The following ECHS1 variants were observed in gnomAD, a reference collection of about 807,000 sequenced individuals.
ECHS1 encodes the protein enoyl-CoA hydratase, short chain 1.
Under a neutral mutation model 33.5 loss-of-function variants are expected in ECHS1, and 19 were observed. That is an observed-to-expected ratio of 0.57 (90% confidence interval 0.40 to 0.83). ECHS1 has a LOEUF of 0.83. ECHS1 is among the 40% of genes least tolerant of loss of function. The pLI, the probability that ECHS1 is intolerant of heterozygous loss-of-function variation, is 0.00. For missense variants in ECHS1, 365 were observed against 381.3 expected (o/e 0.96, Z 0.36); for synonymous variants, 158 against 146.6 (o/e 1.08, Z -0.56).
chr10:133,371,794 G>A (rs1849112397), intron 1 of ECHS1: 1 of 154,368 alleles, frequency 6.5e-6, no homozygotes, highest in South Asian at 2.0e-4. Context: ...TAGTCCCTGT[G>A]CTATGGGTTT....
chr10:133,373,199 C>A, intron 1 of ECHS1, 47 bp downstream of exon 1: 1 of 1,374,430 alleles, frequency 7.3e-7, no homozygotes, highest in South Asian at 1.6e-5. Flanking sequence ...GCGTGCAGGT[C>A]GGAGTCAGGA....
rs2133439728 is a variant in ECHS1 at position 133,366,024 on chromosome 10, T to C, written c.691A>G (p.Ser231Gly). The change falls in exon 6 of 8, where the codon AGC becomes GGC. Residue 231 changes from serine to glycine, a missense_variant. Ser to Gly is a moderately conservative substitution (Grantham distance 56). Transcript: ENST00000368547. ...EAIQCAEKIA[S>G]NSKIVVAMAK... ...ATCGCTACTACAATTTTAGAATTGCTGGCAATTTTTTCTGCACACTGGATG... is the reference window on the plus strand; with the variant it reads ...ATCGCTACTACAATTTTAGAATTGCCGGCAATTTTTTCTGCACACTGGATG... The C allele has an allele frequency of 1.9e-6, 3 of 1,614,044 alleles. No individual in the cohort carries two copies. Among genetic ancestry groups the C allele is most frequent in the Admixed American group, 3.3e-5 (2 of 60,036 alleles).
chr10:133,363,563 C>A (rs774123399), intron 7 of ECHS1, among the ~76,000 whole-genome samples: 53 of 152,228 alleles, frequency 3.5e-4, no homozygotes, highest in Non-Finnish European at 1.9e-4. Flanking sequence ...GCAGGCAGAT[C>A]ACTTGAGGTC....
rs1221469992 is a variant in ECHS1 at position 133,364,693 on chromosome 10, A to C, written c.772T>G (p.Leu258Val). ...FEMTLTEGSK[L>V]EKKLFYSTFA... ...GTTGAATAAAAGAGTTTCTTCTCCA[A>C]CTTACTTCCTTCTGTTAATGTCATT... is the stretch of plus-strand genomic sequence containing the variant. The change falls in exon 7 of 8, where the codon TTG becomes GTG. Residue 258 changes from leucine (L) to valine (V), a missense_variant. Physicochemically the swap from Leu to Val is conservative, Grantham distance 32 (BLOSUM62 1). Transcript: ENST00000368547. 1.2e-6 allele frequency: 2 copies of C among 1,613,794 alleles called. No homozygotes were observed. Among genetic ancestry groups the C allele is most frequent in the Non-Finnish European group, 1.7e-6 (2 of 1,179,888 alleles).
At chr10:133,366,327 G>T (rs34219763) in intron 5 of ECHS1, among the ~76,000 whole-genome samples, 2 of 152,210 alleles carry the variant, frequency 1.3e-5, no homozygotes, top group African/African-American at 2.4e-5. Context: ...CCACAGCTCC[G>T]ACGGCAGAGG....
At chr10:133,369,634 T>C (rs896710445) in intron 3 of ECHS1, among the ~76,000 whole-genome samples, 2 of 152,164 alleles carry the variant, frequency 1.3e-5, no homozygotes, top group South Asian at 2.1e-4. Flanking sequence ...AGCTAGTTTA[T>C]AGATGTAGCC....
intron 1 of ECHS1, among the ~76,000 whole-genome samples, chr10:133,371,294 A>G (rs1849106087): frequency 1.3e-5 from 2 of 152,020 alleles, no homozygotes; most frequent in South Asian, 2.1e-4. Context: ...AAGAAAAGAA[A>G]AAAAGAAAAA....
rs2230261 is a variant in ECHS1 at position 133,366,926 on chromosome 10, A to G, written c.582T>C (p.Thr194=). ...CGTCCTGGGCTGAGATCCGGTCACC[A>G]GTGAGGACCATCTCCATCGCCAGCG... is the stretch of plus-strand genomic sequence containing the variant. ...GKSLAMEMVL[T]GDRISAQDAK... The change falls in exon 5 of 8, where the codon ACT becomes ACC. Residue 194 remains threonine, a synonymous_variant. Coordinates refer to ENST00000368547, the MANE Select transcript of ECHS1 (RefSeq NM_004092.4). 1,597,389 of 1,612,438 alleles carry G rather than the reference A, an allele frequency of 0.99. 792,275 individuals are homozygous for G. The highest frequency in any genetic ancestry group is 1 in the East Asian group (44,882 of 44,882).
chr10:133,365,484 T>C (rs908939034), intron 6 of ECHS1, among the ~76,000 whole-genome samples: 27 of 152,332 alleles, frequency 1.8e-4, no homozygotes, highest in Admixed American at 5.9e-4. Context: ...AACTTGAGCA[T>C]TTCTGAGGAG....
At chr10:133,373,101 G>A in intron 1 of ECHS1, 145 bp downstream of exon 1, 1 of 573,216 alleles carries the variant, frequency 1.7e-6, no homozygotes, top group East Asian at 3.6e-5. Context: ...TGAGGGTGCG[G>A]GGTCAGGCGG....
At position 133,362,766 on chromosome 10, in the gene ECHS1, A is replaced by T; in HGVS notation, c.*102T>A. ...AGCAATTGGAGAGGAACTGCACACC[A>T]CGGACACTGCTCTTGAAAAGAGGAT... On this transcript the variant is annotated 3_prime_UTR_variant, in exon 8 of 8. Coordinates refer to ENST00000368547, the MANE Select transcript of ECHS1 (RefSeq NM_004092.4). 7.4e-7 allele frequency: 1 copy of T among 1,354,670 alleles called. No homozygotes were observed. 83.9% of individuals were successfully genotyped at this position (1,354,670 alleles called of 1,614,324 possible).
At chr10:133,367,653 C>T (rs1328134194) in intron 4 of ECHS1, among the ~76,000 whole-genome samples, 1 of 151,818 alleles carries the variant, frequency 6.6e-6, no homozygotes, top group East Asian at 1.9e-4. Context: ...CCAGGCCTGC[C>T]CGCAGTCATC....
At chr10:133,365,840 A>T in intron 6 of ECHS1, 136 bp downstream of exon 6, 1 of 1,086,000 alleles carries the variant, frequency 9.2e-7, no homozygotes, top group Non-Finnish European at 1.3e-6. Context: ...TACAGACAGC[A>T]GAACTGAGAC....
intron 4 of ECHS1, among the ~76,000 whole-genome samples, chr10:133,368,523 C>T (rs1445272419): frequency 6.6e-6 from 1 of 152,092 alleles, no homozygotes; most frequent in African/African-American, 2.4e-5. Flanking sequence ...GGTGGGGGGT[C>T]TGACTCCCCA....
chr10:133,362,815 C>A lies in ECHS1; in HGVS notation c.*53G>T. The A allele has an allele frequency of 5.1e-6, 8 of 1,575,346 alleles. No individual in the cohort carries two copies. Among genetic ancestry groups the A allele is most frequent in the Non-Finnish European group, 7.0e-6 (8 of 1,144,808 alleles). ...ATGATTTACTTGCTTCTAAAACTGA[C>A]AGGCTGCACTTGTCCTCTCCAAGCA... On this transcript the variant is annotated 3_prime_UTR_variant, in exon 8 of 8. Coordinates refer to ENST00000368547, the MANE Select transcript of ECHS1 (RefSeq NM_004092.4).
chr10:133,363,349 G>A (rs7076650), intron 7 of ECHS1, among the ~76,000 whole-genome samples: 66,240 of 145,376 alleles, frequency 0.46, 16,053 homozygotes, highest in Middle Eastern at 0.63. Context: ...CCAGGTGTGC[G>A]CGCGCGCACA....
At position 133,363,380 on chromosome 10, in the gene ECHS1, C is replaced by CATCTGT. The variant is rs1554885612; in HGVS notation, c.808-448_808-447insACAGAT. 1.4e-3 allele frequency among the ~76,000 whole-genome samples: 214 copies of CATCTGT among 151,300 alleles called. 1 individual carries two copies. Among genetic ancestry groups the CATCTGT allele is most frequent in the African/African-American group, 3.5e-3 (145 of 41,240 alleles). On this transcript the variant is annotated intron_variant, in intron 7 of 7. Transcript: ENST00000368547. ...GCACACACACACACACACACACACACACACGCATCTGTACCCCTTCCTCAG... is the reference window on the plus strand; with the variant it reads ...GCACACACACACACACACACACACACATCTGTACACGCATCTGTACCCCTTCCTCAG...
chr10:133,373,115 A>T (rs1480651676), intron 1 of ECHS1, 131 bp downstream of exon 1: 4 of 389,418 alleles, frequency 1.0e-5, no homozygotes, highest in Non-Finnish European at 1.0e-5. Context: ...CAGGCGGAAG[A>T]GGGGTGTGGG....
At chr10:133,372,154 C>A (rs536929638) in intron 1 of ECHS1, among the ~76,000 whole-genome samples, 59 of 152,266 alleles carry the variant, frequency 3.9e-4, no homozygotes, top group African/African-American at 1.4e-3. Context: ...CAGCAGTGCC[C>A]GCCATGCAAG....
Sources: gnomAD v4.1 joint callset for allele counts (sites outside exome capture counted in the v4.1 genomes callset) on GRCh38, gnomAD v4.1.1 for gene constraint, MANE v1.5 for transcripts, NCBI Gene and HGNC (gene_info 2026-07-23, HGNC 2026-07-21) for gene names.